Variants in SNRK observed in about 807,000 individuals in gnomAD.
SNRK encodes SNF-related serine/threonine-protein kinase.
Under a neutral mutation model 48.2 loss-of-function variants are expected in SNRK, and 3 were observed. That is an observed-to-expected ratio of 0.06 (90% CI 0.03 to 0.16). The LOEUF is 0.16. Ranked by LOEUF, SNRK falls within the 10% of genes least tolerant of loss-of-function variation. The pLI, the probability that SNRK is intolerant of heterozygous loss-of-function variation, is 1.00. For synonymous variants in SNRK, 376 were observed against 366.1 expected (o/e 1.03, Z -0.31); for missense variants, 627 against 976.0 (o/e 0.64, Z 4.76).
At chr3:43,311,935 A>G (rs1559462865) in intron 3 of SNRK, among the ~76,000 whole-genome samples, 3 of 152,158 alleles carry the variant, frequency 2.0e-5, no homozygotes, top group Non-Finnish European at 2.9e-5. Context: ...TGTTTCTTAA[A>G]TAATAGATTC....
intron 3 of SNRK, among the ~76,000 whole-genome samples, chr3:43,310,785 G>T (rs1255677029): frequency 6.6e-6 from 1 of 152,124 alleles, no homozygotes; most frequent in African/African-American, 2.4e-5. Context: ...TTTCTTTGTA[G>T]AACTACATTT....
intron 1 of SNRK, among the ~76,000 whole-genome samples, chr3:43,296,895 C>CT (rs978066329): frequency 1.3e-5 from 2 of 152,214 alleles, no homozygotes; most frequent in Non-Finnish European, 2.9e-5. Flanking sequence ...CACCCACATG[C>CT]TTCAGTTGCT....
intron 6 of SNRK, among the ~76,000 whole-genome samples, chr3:43,345,028 G>A (rs1352418769): frequency 6.6e-6 from 1 of 152,226 alleles, no homozygotes; most frequent in Non-Finnish European, 1.5e-5. Context: ...GGAGGCCAAG[G>A]TGGGAAGATC....
chr3:43,341,568 A>C (rs1385295651), intron 5 of SNRK, among the ~76,000 whole-genome samples: 1 of 152,256 alleles, frequency 6.6e-6, no homozygotes, highest in Non-Finnish European at 1.5e-5. Flanking sequence ...AAAACAAGGA[A>C]TATTTCCACA....
At chr3:43,313,799 G>A (rs1559463338) in intron 3 of SNRK, among the ~76,000 whole-genome samples, 1 of 152,116 alleles carries the variant, frequency 6.6e-6, no homozygotes, top group African/African-American at 2.4e-5. Flanking sequence ...AAGAATACAT[G>A]AAACTTACCT....
chr3:43,289,975 A>C (rs769107757), intron 1 of SNRK, among the ~76,000 whole-genome samples: 12 of 152,190 alleles, frequency 7.9e-5, no homozygotes, highest in Non-Finnish European at 1.3e-4. Context: ...CTGCACATCT[A>C]AACACATACC....
At chr3:43,290,321 G>T (rs900609191) in intron 1 of SNRK, among the ~76,000 whole-genome samples, 3 of 152,142 alleles carry the variant, frequency 2.0e-5, no homozygotes, top group African/African-American at 7.2e-5. Context: ...TAATAAAGCT[G>T]GGTTGGATTT....
In SNRK at chr3:43,341,326, AT is replaced by A. The variant is rs1192343243; in HGVS notation, c.944+833del. Among the ~76,000 whole-genome samples, 6 of 151,754 alleles carry A rather than the reference AT, an allele frequency of 4.0e-5. No individual in the cohort carries two copies. In the East Asian group the frequency reaches 7.8e-4, roughly 20 times the overall value. ...CAACCACGCCCGGCTAATTTTTTCT[AT>A]TTTTTAGTAGAGACGGAGTTTCACT... On this transcript the variant is annotated intron_variant, in intron 5 of 6. Transcript: ENST00000296088.
Position 43,343,167 on chromosome 3 carries a change from A to G in SNRK, c.945-177A>G, listed in dbSNP as rs17075585. 2.1e-3 allele frequency: 1,461 copies of G among 712,016 alleles called. 12 individuals are homozygous for G. In the African/African-American group the frequency reaches 0.022, roughly 11 times the overall value. 44.1% of individuals were successfully genotyped at this position (712,016 alleles called of 1,614,324 possible). On this transcript the variant is annotated intron_variant, in intron 5 of 6. Transcript: ENST00000296088. ...ACATTTTTATGCAGTTGTTTTTAGA[A>G]CTTTGAGTGACCTAAATAACTACTA...
At chr3:43,320,365 G>A (rs55765643) in intron 3 of SNRK, among the ~76,000 whole-genome samples, 3,838 of 152,204 alleles carry the variant, frequency 0.025, 163 homozygotes, top group African/African-American at 0.085. Flanking sequence ...GTTCGTATGC[G>A]TCAACTCTCC....
Position 43,299,984 on chromosome 3 carries a change from A to G in SNRK, c.-107+169A>G, listed in dbSNP as rs1374410177. Among the ~76,000 whole-genome samples the G allele has an allele frequency of 3.3e-5, 5 of 152,366 alleles. No individual in the cohort carries two copies. In the East Asian group the frequency reaches 9.6e-4, roughly 29 times the overall value. On this transcript the variant is annotated intron_variant, in intron 2 of 6. Transcript: ENST00000296088. Reference sequence around the variant, plus strand: ...TCAAAATGTACTTAATAGTAGGATTAGACAGTAGACTAGTGTTTAAAAAGA... The same window carrying G: ...TCAAAATGTACTTAATAGTAGGATTGGACAGTAGACTAGTGTTTAAAAAGA...
At chr3:43,314,147 C>G (rs1575542641) in intron 3 of SNRK, among the ~76,000 whole-genome samples, 3 of 152,158 alleles carry the variant, frequency 2.0e-5, no homozygotes, top group African/African-American at 7.2e-5. Context: ...TTACCCCTCA[C>G]CATGTTAAAA....
chr3:43,291,290 T>C (rs2090810324), intron 1 of SNRK, among the ~76,000 whole-genome samples: 1 of 152,210 alleles, frequency 6.6e-6, no homozygotes, highest in South Asian at 2.1e-4. Flanking sequence ...TTCTCCAGAA[T>C]GCTGTCTGTG....
intron 1 of SNRK, 105 bp from the exon 2 acceptor site, chr3:43,299,649 T>C (rs2090884026): frequency 6.6e-6 from 1 of 152,642 alleles, no homozygotes; most frequent in African/African-American, 2.4e-5. Flanking sequence ...ATTTTACTAT[T>C]TTTATACATG....
At chr3:43,296,426 A>ATATATATG (rs1362855791) in intron 1 of SNRK, among the ~76,000 whole-genome samples, 2 of 146,054 alleles carry the variant, frequency 1.4e-5, no homozygotes, top group African/African-American at 2.5e-5. Flanking sequence ...ATATATATAT[A>ATATATATG]TATATATGTA....
chr3:43,315,734 T>G (rs2091008689), intron 3 of SNRK, among the ~76,000 whole-genome samples: 1 of 152,248 alleles, frequency 6.6e-6, no homozygotes. Flanking sequence ...CAGCACAAAC[T>G]GCGTTGCAGC....
At chr3:43,316,836 A>G (rs912073081) in intron 3 of SNRK, among the ~76,000 whole-genome samples, 50 of 150,972 alleles carry the variant, frequency 3.3e-4, no homozygotes, top group African/African-American at 1.1e-3. Flanking sequence ...GAGCCCAGAG[A>G]CCTTCCTGCC....
intron 3 of SNRK, among the ~76,000 whole-genome samples, chr3:43,312,637 G>A (rs2090986877): frequency 6.6e-6 from 1 of 152,110 alleles, no homozygotes; most frequent in South Asian, 2.1e-4. Context: ...GTTATATAAA[G>A]ATAGGAAAAG....
At position 43,348,653 on chromosome 3, in the gene SNRK, G is replaced by A; in HGVS notation, c.*96G>A. On this transcript the variant is annotated 3_prime_UTR_variant, in exon 7 of 7. Transcript: ENST00000296088. ...ATTTGGTTTTACTATTTTAAAGTGGGCGTTAGGAGCAATTATTTATTACCT... is the reference window on the plus strand; with the variant it reads ...ATTTGGTTTTACTATTTTAAAGTGGACGTTAGGAGCAATTATTTATTACCT... 1 of 1,260,832 alleles carries A rather than the reference G, an allele frequency of 7.9e-7. No homozygotes were observed. Among genetic ancestry groups the A allele is most frequent in the Non-Finnish European group, 1.0e-6 (1 of 968,956 alleles). 78.1% of individuals were successfully genotyped at this position (1,260,832 alleles called of 1,614,324 possible). A position where few individuals can be genotyped will look rare whatever the true frequency, so the allele number is the denominator to read the frequency against.
Sources: allele counts gnomAD v4.1 joint callset (sites outside exome capture counted in the v4.1 genomes callset), GRCh38; gene constraint gnomAD v4.1.1; transcripts MANE v1.5; gene names NCBI Gene and HGNC (gene_info 2026-07-23, HGNC 2026-07-21).